LUZP2: variants seen among roughly 807,000 people sequenced by gnomAD.
LUZP2 encodes the protein leucine zipper protein 2.
Under a neutral mutation model 51.6 loss-of-function variants are expected in LUZP2, and 52 were observed. The observed-to-expected ratio is 1.01, with a 90% CI of 0.81 to 1.27. The LOEUF (loss-of-function observed/expected upper bound fraction) is 1.27. Among genes scored for constraint, LUZP2 ranks in the 50% most tolerant of loss-of-function variants. LUZP2 has a pLI of 0.00. For synonymous variants in LUZP2, 154 were observed against 137.3 expected (o/e 1.12, Z -0.85); for missense variants, 436 against 395.4 (o/e 1.10, Z -0.87).
Position 24,787,266 on chromosome 11 carries a change from TA to T in LUZP2, c.396+23964del, listed in dbSNP as rs557496318. On this transcript the variant is annotated intron_variant, in intron 5 of 11. Transcript: ENST00000336930. Reference sequence around the variant, plus strand: ...GTGCCATGACTCAAGCTAATGATGTTAAAAAAGATTGAGCTGATTGTAGACT... The same window carrying T: ...GTGCCATGACTCAAGCTAATGATGTTAAAAAGATTGAGCTGATTGTAGACT... Among the ~76,000 whole-genome samples the T allele has an allele frequency of 2.6e-3, 402 of 152,272 alleles. 1 individual carries two copies. The highest frequency in any genetic ancestry group is 8.8e-3 in the African/African-American group (365 of 41,554).
At chr11:25,024,703 G>A (rs150673866) in intron 9 of LUZP2, among the ~76,000 whole-genome samples, 72,613 of 151,566 alleles carry the variant, frequency 0.48, 17,700 homozygotes, top group Non-Finnish European at 0.51. Flanking sequence ...TCAATATTGC[G>A]AAAATGGCCA....
chr11:25,007,791 G>T (rs976631547), intron 9 of LUZP2, among the ~76,000 whole-genome samples: 1 of 152,034 alleles, frequency 6.6e-6, no homozygotes, highest in Non-Finnish European at 1.5e-5. Flanking sequence ...TCTACTGCAA[G>T]GTGTGGACTT....
At chr11:25,011,495 C>G (rs1048870701) in intron 9 of LUZP2, among the ~76,000 whole-genome samples, 1 of 152,122 alleles carries the variant, frequency 6.6e-6, no homozygotes, top group African/African-American at 2.4e-5. Flanking sequence ...GTTATCTGCT[C>G]TAAGACTAGA....
chr11:24,898,132 C>T (rs765144843), intron 5 of LUZP2, among the ~76,000 whole-genome samples: 1 of 152,006 alleles, frequency 6.6e-6, no homozygotes, highest in Admixed American at 6.6e-5. Flanking sequence ...CCTATTCATA[C>T]ACTTTTATAT....
intron 5 of LUZP2, among the ~76,000 whole-genome samples, chr11:24,881,019 T>TG (rs1852449529): frequency 6.6e-6 from 1 of 152,268 alleles, no homozygotes; most frequent in East Asian, 1.9e-4. Flanking sequence ...TGTATGAATC[T>TG]GGGCTTTGGA....
chr11:24,837,403 C>A (rs11028207), intron 5 of LUZP2, among the ~76,000 whole-genome samples: 2 of 151,232 alleles, frequency 1.3e-5, no homozygotes, highest in African/African-American at 4.8e-5. Flanking sequence ...TTTCACTGAT[C>A]GTCTGAGCCC....
intron 4 of LUZP2, among the ~76,000 whole-genome samples, chr11:24,744,862 C>T (rs1271590770): frequency 6.6e-6 from 1 of 152,100 alleles, no homozygotes; most frequent in Non-Finnish European, 1.5e-5. Flanking sequence ...GAACTTTCCT[C>T]ATAGCACCAC....
chr11:25,043,019 C>A (rs969185474), intron 9 of LUZP2, among the ~76,000 whole-genome samples: 1 of 152,060 alleles, frequency 6.6e-6, no homozygotes, highest in Non-Finnish European at 1.5e-5. Flanking sequence ...GAAAGTAAAC[C>A]AGAGAACTTG....
intron 1 of LUZP2, among the ~76,000 whole-genome samples, chr11:24,624,251 A>C (rs1032257900): frequency 6.6e-6 from 1 of 152,180 alleles, no homozygotes; most frequent in Non-Finnish European, 1.5e-5. Flanking sequence ...ATATGTGTCT[A>C]TTCATTAACT....
intron 1 of LUZP2, among the ~76,000 whole-genome samples, chr11:24,619,638 A>C (rs538989234): frequency 9.8e-5 from 15 of 152,292 alleles, no homozygotes; most frequent in South Asian, 6.2e-4. Flanking sequence ...TGGTTCCAGT[A>C]CCTTCCACAG....
At chr11:24,887,803 A>T (rs1219753469) in intron 5 of LUZP2, among the ~76,000 whole-genome samples, 1 of 152,224 alleles carries the variant, frequency 6.6e-6, no homozygotes, top group Non-Finnish European at 1.5e-5. Flanking sequence ...TTTGAAAAAC[A>T]CATTTAAACT....
chr11:24,582,266 A>T (rs1358287372), intron 1 of LUZP2, among the ~76,000 whole-genome samples: 1 of 145,256 alleles, frequency 6.9e-6, no homozygotes, highest in East Asian at 2.1e-4. Flanking sequence ...CACATTTTTT[A>T]AAAGGAGTGT....
intron 1 of LUZP2, among the ~76,000 whole-genome samples, chr11:24,649,722 G>A (rs893842335): frequency 6.6e-6 from 1 of 151,870 alleles, no homozygotes; most frequent in African/African-American, 2.4e-5. Context: ...TGGTGGGACT[G>A]CAATTCCATT....
intron 9 of LUZP2, among the ~76,000 whole-genome samples, chr11:25,044,742 G>A (rs11028379): frequency 0.94 from 142,907 of 151,724 alleles, 67,872 homozygotes; most frequent in East Asian, 1. Context: ...ACATGCTGCT[G>A]TAAAGACACA....
chr11:24,794,774 GAA>G (rs1170943487), intron 5 of LUZP2, among the ~76,000 whole-genome samples: 1 of 152,006 alleles, frequency 6.6e-6, no homozygotes, highest in Non-Finnish European at 1.5e-5. Context: ...AGACTGAAAT[GAA>G]GTGTGGTATT....
chr11:24,811,161 T>C (rs2716475), intron 5 of LUZP2, among the ~76,000 whole-genome samples: 101,037 of 152,020 alleles, frequency 0.66, 33,736 homozygotes, highest in Admixed American at 0.75. Flanking sequence ...GTTTTTCTTA[T>C]TGACTGCCAG....
At chr11:24,931,159 C>T (rs867573450) in intron 7 of LUZP2, among the ~76,000 whole-genome samples, 4 of 151,022 alleles carry the variant, frequency 2.6e-5, no homozygotes, top group Admixed American at 6.6e-5. Flanking sequence ...TGCAGTGAGC[C>T]GAGATCACGC....
At chr11:25,025,152 G>A (rs1250930030) in intron 9 of LUZP2, among the ~76,000 whole-genome samples, 1 of 152,010 alleles carries the variant, frequency 6.6e-6, no homozygotes, top group Admixed American at 6.6e-5. Context: ...AATTCGAGAT[G>A]GATTAAAGAC....
At chr11:24,864,541 T>C (rs979772232) in intron 5 of LUZP2, among the ~76,000 whole-genome samples, 1 of 152,222 alleles carries the variant, frequency 6.6e-6, no homozygotes, top group Non-Finnish European at 1.5e-5. Flanking sequence ...TTTCCATTGC[T>C]GGGCCTGGCT....
Sources: allele counts gnomAD v4.1 joint callset (sites outside exome capture counted in the v4.1 genomes callset), GRCh38; gene constraint gnomAD v4.1.1; transcripts MANE v1.5; gene names NCBI Gene and HGNC (gene_info 2026-07-23, HGNC 2026-07-21).